RYR2: variants seen among roughly 807,000 people sequenced by gnomAD.
RYR2 encodes the protein ryanodine receptor 2.
A neutral mutation model predicts 601.1 loss-of-function variants in RYR2; 227 were observed. The ratio of observed to expected loss-of-function variants is 0.38; its 90% confidence interval spans 0.34 to 0.42. The LOEUF is 0.42. RYR2 is among the 10% of genes least tolerant of loss of function. The pLI is 1.00. For synonymous variants in RYR2, 2,223 were observed against 2,175.1 expected, an observed-to-expected ratio of 1.02 and a Z score of -0.61; for missense variants, 4,646 against 6,156.5, an observed-to-expected ratio of 0.75 and a Z score of 8.21.
At chr1:237,145,965 C>T (rs933377175) in intron 1 of RYR2, among the ~76,000 whole-genome samples, 1 of 152,146 alleles carries the variant, frequency 6.6e-6, no homozygotes, top group South Asian at 2.1e-4. Flanking sequence ...CTGTGTAAGA[C>T]TTCAGAATCT....
intron 11 of RYR2, among the ~76,000 whole-genome samples, chr1:237,418,014 T>C (rs1323899161): frequency 6.6e-6 from 1 of 152,042 alleles, no homozygotes. Context: ...AGGGCTATCT[T>C]ACTCTAGTAT....
intron 1 of RYR2, among the ~76,000 whole-genome samples, chr1:237,114,593 C>T (rs1040070020): frequency 6.6e-6 from 1 of 152,176 alleles, no homozygotes; most frequent in Non-Finnish European, 1.5e-5. Flanking sequence ...TCCAGGAAAT[C>T]CTTTTAGAAA....
At chr1:237,733,678 C>T (rs761234140) in intron 78 of RYR2, 27 bp from the exon 79 acceptor site, 1 of 1,558,070 alleles carries the variant, frequency 6.4e-7, no homozygotes, top group Non-Finnish European at 8.8e-7. Flanking sequence ...TGCTTAAACA[C>T]TGATGTTTTC....
At chr1:237,649,362 G>A (rs1185182468) in intron 49 of RYR2, among the ~76,000 whole-genome samples, 2 of 152,046 alleles carry the variant, frequency 1.3e-5, no homozygotes, top group Non-Finnish European at 2.9e-5. Context: ...TCTTTGTTTT[G>A]TGTATTCACC....
intron 2 of RYR2, among the ~76,000 whole-genome samples, chr1:237,272,063 A>AAG (rs1385458774): frequency 6.6e-6 from 1 of 152,026 alleles, no homozygotes; most frequent in Non-Finnish European, 1.5e-5. Flanking sequence ...CCAGGAAGCG[A>AAG]AGATTGCAGT....
chr1:237,779,560 G>A (rs574486774), intron 88 of RYR2, among the ~76,000 whole-genome samples: 1 of 152,284 alleles, frequency 6.6e-6, no homozygotes, highest in African/African-American at 2.4e-5. Flanking sequence ...CCACCCGTGT[G>A]GGCCAGGTCT....
rs369477913 is a variant in RYR2 at position 237,704,359 on chromosome 1, A to G, written c.9450-854A>G. Among the ~76,000 whole-genome samples, 8 of 152,168 alleles carry G rather than the reference A, an allele frequency of 5.3e-5. No homozygotes were observed. In the East Asian group the frequency reaches 9.6e-4, roughly 18 times the overall value. Reference sequence around the variant, plus strand: ...ATTTTTAAAATCATCAACCATTTGTAAAGTAATCATTTATTAACTATTTAT... The same window carrying G: ...ATTTTTAAAATCATCAACCATTTGTGAAGTAATCATTTATTAACTATTTAT... On this transcript the variant is annotated intron_variant, in intron 66 of 104. Transcript: ENST00000366574.
At chr1:237,112,542 C>T (rs1297066806) in intron 1 of RYR2, among the ~76,000 whole-genome samples, 1 of 150,216 alleles carries the variant, frequency 6.7e-6, no homozygotes. Flanking sequence ...GAGAACTTCC[C>T]CCTACCTCTT....
rs182450705 is a variant in RYR2, at chr1:237,206,957, A to G, written c.49-63540A>G. ...TGAGAACTGTCCTTTCAAAATATTC[A>G]TAACGGGCTATAGAACAAAATCTAT... On this transcript the variant is annotated intron_variant, in intron 1 of 104. Coordinates refer to ENST00000366574, the MANE Select transcript of RYR2 (RefSeq NM_001035.3). Among the ~76,000 whole-genome samples the G allele has an allele frequency of 5.9e-5, 9 of 152,322 alleles. No homozygotes were observed. In the East Asian group the frequency reaches 1.7e-3, roughly 29 times the overall value.
intron 31 of RYR2, 80 bp from the exon 32 acceptor site, chr1:237,591,659 C>T (rs1252353972): frequency 1.7e-6 from 2 of 1,188,238 alleles, no homozygotes; most frequent in African/African-American, 1.5e-5. Flanking sequence ...TTTAAGGCAA[C>T]TCAATTGATT....
chr1:237,388,145 C>A lies in RYR2; in HGVS notation c.735C>A (p.Leu245=). ...TGCATGGACACATGGACGAGTGTCT[C>A]ACTGTCCCTTCAGGAGAACATGGTG... The part of the protein sequence containing the change: ...RLLHGHMDEC[L]TVPSGEHGEE... Residue 245 remains leucine, a synonymous_variant, in exon 10 of 105, where the codon CTC becomes CTA. Coordinates refer to ENST00000366574, the MANE Select transcript of RYR2 (RefSeq NM_001035.3). 1 of 1,613,938 alleles carries A rather than the reference C, an allele frequency of 6.2e-7. No homozygotes were observed. Among genetic ancestry groups the A allele is most frequent in the Non-Finnish European group, 8.5e-7 (1 of 1,179,886 alleles).
chr1:237,346,414 A>G (rs1558659647), intron 3 of RYR2, among the ~76,000 whole-genome samples: 1 of 151,224 alleles, frequency 6.6e-6, no homozygotes, highest in Non-Finnish European at 1.5e-5. Flanking sequence ...GAACAAATTC[A>G]GAAAACATTG....
At position 237,648,581 on chromosome 1, in the gene RYR2, C is replaced by T. The variant is rs1300999205; in HGVS notation, c.7480C>T (p.Pro2494Ser). The change falls in exon 49 of 105, where the codon CCA (proline) becomes TCA (serine). Residue 2494 changes from proline (P) to serine (S), a missense_variant. Pro to Ser is a moderately conservative substitution (Grantham distance 74). Around this residue, in one of 17 missense-constraint regions of RYR2, gnomAD observed 1,497 missense variants for 1,842.6 expected, o/e 0.81. Transcript: ENST00000366574. ...LLHLLEVGFLPDLRAAASLDT... is the reference protein window; with the variant it reads ...LLHLLEVGFLSDLRAAASLDT... ...CCATCTTCTTGAGGTTGGCTTTCTG[C>T]CAGATCTCCGGGCGGCTGCTTCTTT... 1 of 1,610,598 alleles carries T rather than the reference C, an allele frequency of 6.2e-7. No individual in the cohort carries two copies. The highest frequency in any genetic ancestry group is 8.5e-7 in the Non-Finnish European group (1 of 1,178,336).
intron 1 of RYR2, among the ~76,000 whole-genome samples, chr1:237,269,382 A>C (rs1329292483): frequency 2.0e-5 from 3 of 152,092 alleles, no homozygotes; most frequent in Admixed American, 2.0e-4. Flanking sequence ...ATAAAAAAAA[A>C]AACAACTTGC....
chr1:237,265,401 A>C (rs1688961271), intron 1 of RYR2, among the ~76,000 whole-genome samples: 1 of 151,998 alleles, frequency 6.6e-6, no homozygotes, highest in Non-Finnish European at 1.5e-5. Flanking sequence ...GGATCACTGC[A>C]ACCTCTGCCT....
At chr1:237,660,451 AG>A (rs1683676053) in intron 55 of RYR2, among the ~76,000 whole-genome samples, 2 of 152,172 alleles carry the variant, frequency 1.3e-5, no homozygotes, top group African/African-American at 2.4e-5. Flanking sequence ...TCTTTGGGAA[AG>A]AAATGAGTAT....
At chr1:237,299,384 A>G (rs1693126596) in intron 2 of RYR2, among the ~76,000 whole-genome samples, 1 of 152,184 alleles carries the variant, frequency 6.6e-6, no homozygotes, top group Admixed American at 6.5e-5. Flanking sequence ...ATAAAATTAT[A>G]AGGTTGAGTT....
At position 237,801,558 on chromosome 1, in the gene RYR2, T is replaced by A. The variant is rs866556938; in HGVS notation, c.14091-298T>A. 0.011 allele frequency among the ~76,000 whole-genome samples: 1,299 copies of A among 119,852 alleles called. 26 individuals carry two copies. The highest frequency in any genetic ancestry group is 0.034 in the African/African-American group (1,194 of 35,110). The allele number at this position is 119,852 out of a possible 152,430, so 78.6% of individuals were successfully genotyped here. ...CTCTGTCTCAAAAAAAAAAAAAAAATGTTAATACTGAATGTAGGAAAGGGA... is the reference window on the plus strand; with the variant it reads ...CTCTGTCTCAAAAAAAAAAAAAAAAAGTTAATACTGAATGTAGGAAAGGGA... On this transcript the variant is annotated intron_variant, in intron 97 of 104. Coordinates refer to ENST00000366574, the MANE Select transcript of RYR2 (RefSeq NM_001035.3).
In RYR2 at chr1:237,484,898, A is replaced by C. The variant is rs547567114; in HGVS notation, c.1709-6908A>C. Among the ~76,000 whole-genome samples, 14 of 151,376 alleles carry C rather than the reference A, an allele frequency of 9.2e-5. No individual in the cohort carries two copies. In the South Asian group the frequency reaches 2.7e-3, roughly 29 times the overall value. The stretch of plus-strand genomic sequence containing the variant: ...AAGTTATTTCTAGACATTTAGTTAC[A>C]TCCTTGGAGATTTTCCTTTCTCGGG... On this transcript the variant is annotated intron_variant, in intron 17 of 104. Transcript: ENST00000366574.
Sources: allele counts gnomAD v4.1 joint callset (sites outside exome capture counted in the v4.1 genomes callset), GRCh38; gene constraint gnomAD v4.1.1; regional missense constraint gnomAD v4.1.1; transcripts MANE v1.5; gene names NCBI Gene and HGNC (gene_info 2026-07-23, HGNC 2026-07-21).